HP1BP3: variants seen among roughly 807,000 people sequenced by gnomAD.
HP1BP3 encodes heterochromatin protein 1 binding protein 3.
In HP1BP3, 12 loss-of-function variants were observed where a neutral mutation model predicts 62.5. The observed-to-expected ratio is 0.19, with a 90% CI of 0.12 to 0.31. The LOEUF (loss-of-function observed/expected upper bound fraction) is 0.31, where lower values mean the gene tolerates loss of function less well. Ranked by LOEUF, HP1BP3 falls within the 10% of genes least tolerant of loss-of-function variation. HP1BP3 has a pLI of 1.00. For missense variants in HP1BP3, 502 were observed against 651.8 expected (o/e 0.77, Z 2.50); for synonymous variants, 260 against 237.8 (o/e 1.09, Z -0.86).
chr1:20,772,830 A>C (rs947887415), intron 5 of HP1BP3, among the ~76,000 whole-genome samples: 1 of 152,234 alleles, frequency 6.6e-6, no homozygotes, highest in Non-Finnish European at 1.5e-5. Context: ...ATAACCTTTA[A>C]AAATTAAAAT....
intron 1 of HP1BP3, among the ~76,000 whole-genome samples, chr1:20,785,924 A>G (rs1463915422): frequency 6.6e-6 from 1 of 152,202 alleles, no homozygotes. Context: ...GTCACCTCTA[A>G]TTTCACTCTA....
chr1:20,758,327 C>T (rs1010916860), intron 8 of HP1BP3, among the ~76,000 whole-genome samples: 9 of 151,698 alleles, frequency 5.9e-5, no homozygotes, highest in Non-Finnish European at 1.0e-4. Context: ...TACTAAGAGA[C>T]TTAAACCCTA....
At chr1:20,772,406 A>G (rs1297113574) in intron 5 of HP1BP3, among the ~76,000 whole-genome samples, 1 of 152,376 alleles carries the variant, frequency 6.6e-6, no homozygotes, top group East Asian at 1.9e-4. Context: ...CTTCAAACCC[A>G]GGCTGAGTGG....
At chr1:20,775,851 T>C in intron 4 of HP1BP3, 1 of 1,120,824 alleles carries the variant, frequency 8.9e-7, no homozygotes, top group Non-Finnish European at 1.2e-6. Flanking sequence ...TTTGTGTAAG[T>C]ACACTTTATG....
At chr1:20,777,276 CA>C (rs1176535927) in intron 3 of HP1BP3, among the ~76,000 whole-genome samples, 5 of 138,084 alleles carry the variant, frequency 3.6e-5, no homozygotes, top group African/African-American at 1.1e-4. Flanking sequence ...CAGAGAACTC[CA>C]AAAAAAAATA....
At chr1:20,768,568 G>A (rs560936093) in intron 6 of HP1BP3, among the ~76,000 whole-genome samples, 3 of 152,126 alleles carry the variant, frequency 2.0e-5, no homozygotes, top group African/African-American at 4.8e-5. Context: ...GGCCAGGCAC[G>A]GTGGTTCATT....
At position 20,743,998 on chromosome 1, in the gene HP1BP3, G is replaced by T. The variant is rs893194953; in HGVS notation, c.*799C>A. On this transcript the variant is annotated 3_prime_UTR_variant, in exon 13 of 13. Transcript: ENST00000438032. ...GCAGGAGAATTGCTTGAACCCAGGAGGTGGAGGTTGCAGTGAGCTGAGATT... is the reference window on the plus strand; with the variant it reads ...GCAGGAGAATTGCTTGAACCCAGGATGTGGAGGTTGCAGTGAGCTGAGATT... The T allele has an allele frequency of 6.6e-6, 1 of 152,216 alleles. No individual in the cohort carries two copies. The highest frequency in any genetic ancestry group is 1.5e-5 in the Non-Finnish European group (1 of 68,080). 9.4% of individuals were successfully genotyped at this position (152,216 alleles called of 1,614,324 possible).
chr1:20,780,717 C>T (rs2057504213), intron 1 of HP1BP3, among the ~76,000 whole-genome samples, 177 bp from the exon 2 acceptor site: 2 of 152,110 alleles, frequency 1.3e-5, no homozygotes, highest in South Asian at 4.1e-4. Context: ...CATAAAGCAG[C>T]AACTAAGACG....
chr1:20,782,832 G>A (rs561492436), intron 1 of HP1BP3, among the ~76,000 whole-genome samples: 46 of 150,622 alleles, frequency 3.1e-4, no homozygotes, highest in South Asian at 6.3e-4. Context: ...CCTGGGAGGC[G>A]GAGATTGCAG....
intron 8 of HP1BP3, among the ~76,000 whole-genome samples, chr1:20,760,077 TG>T (rs1439030559): frequency 2.6e-5 from 4 of 151,906 alleles, no homozygotes; most frequent in Non-Finnish European, 5.9e-5. Context: ...TTAGTAGAGA[TG>T]GGGTTTCACC....
At chr1:20,776,047 C>T in intron 4 of HP1BP3, 2 of 1,445,048 alleles carry the variant, frequency 1.4e-6, no homozygotes, top group Non-Finnish European at 1.8e-6. Flanking sequence ...TAAAAAGTAA[C>T]TGCCATCACT....
intron 9 of HP1BP3, among the ~76,000 whole-genome samples, chr1:20,751,072 C>A (rs1051900026): frequency 6.6e-6 from 1 of 152,058 alleles, no homozygotes. Flanking sequence ...CTGCCTCGGC[C>A]TCCTGACGTG....
intron 1 of HP1BP3, chr1:20,786,752 C>A (rs1275888166): frequency 2.0e-5 from 3 of 152,140 alleles, no homozygotes; most frequent in African/African-American, 7.2e-5. Context: ...GCTCCGAAAA[C>A]CGCTGAGGGA....
chr1:20,745,351 C>T (rs1326000907), intron 12 of HP1BP3, among the ~76,000 whole-genome samples, 192 bp downstream of exon 12: 1 of 152,146 alleles, frequency 6.6e-6, no homozygotes, highest in East Asian at 1.9e-4. Context: ...ACTATGGATA[C>T]ACACAGGCTT....
chr1:20,767,779 A>G, intron 6 of HP1BP3, 115 bp from the exon 7 acceptor site: 2 of 244,836 alleles, frequency 8.2e-6, no homozygotes, highest in Admixed American at 1.2e-4. Flanking sequence ...TTCTTCAGAG[A>G]AAAAAAAAAA....
chr1:20,781,877 C>T (rs928272782), intron 1 of HP1BP3, among the ~76,000 whole-genome samples: 19 of 152,238 alleles, frequency 1.2e-4, no homozygotes, highest in African/African-American at 4.6e-4. Context: ...CTGCCCGCCT[C>T]AGCCTCCCAA....
At position 20,769,844 on chromosome 1, in the gene HP1BP3, G is replaced by A. The variant is rs2056972495; in HGVS notation, c.654+1086C>T. Among the ~76,000 whole-genome samples, 3 of 152,198 alleles carry A rather than the reference G, an allele frequency of 2.0e-5. No homozygotes were observed. In the South Asian group the frequency reaches 6.2e-4, roughly 32 times the overall value. On this transcript the variant is annotated intron_variant, in intron 6 of 12. Transcript: ENST00000438032. Reference sequence around the variant, plus strand: ...CACATAGGAGACAAGACGTATCTGTGCAATTAAGTACTAGTTGGAAGTCCC... The same window carrying A: ...CACATAGGAGACAAGACGTATCTGTACAATTAAGTACTAGTTGGAAGTCCC...
At chr1:20,745,876 C>A (rs1226542564) in intron 11 of HP1BP3, among the ~76,000 whole-genome samples, 1 of 152,120 alleles carries the variant, frequency 6.6e-6, no homozygotes, top group East Asian at 1.9e-4. Context: ...TAATTCTATA[C>A]CCACTATTTA....
rs1442066799 is a variant in HP1BP3, at chr1:20,742,026, A to C, written c.*2771T>G. Among the ~76,000 whole-genome samples, 3 of 152,236 alleles carry C rather than the reference A, an allele frequency of 2.0e-5. No homozygotes were observed. Among genetic ancestry groups the C allele is most frequent in the East Asian group, 1.9e-4 (1 of 5,202 alleles). On this transcript the variant is annotated 3_prime_UTR_variant, in exon 13 of 13. Transcript: ENST00000438032. ...TGTCTTTTCCCTTTACATCACACTGAAACAAACTGTCCTTATAGTTAACAG... is the reference window on the plus strand; with the variant it reads ...TGTCTTTTCCCTTTACATCACACTGCAACAAACTGTCCTTATAGTTAACAG...
Sources: allele counts gnomAD v4.1 joint callset (sites outside exome capture counted in the v4.1 genomes callset), GRCh38; gene constraint gnomAD v4.1.1; transcripts MANE v1.5; gene names NCBI Gene and HGNC (gene_info 2026-07-23, HGNC 2026-07-21).